Variants in ITSN2 observed in about 807,000 individuals in gnomAD.
ITSN2 encodes the protein intersectin-2.
A neutral mutation model predicts 243.7 loss-of-function variants in ITSN2; 156 were observed. The ratio of observed to expected loss-of-function variants is 0.64; its 90% CI spans 0.56 to 0.73. The LOEUF (loss-of-function observed/expected upper bound fraction) is 0.73, where lower values mean the gene tolerates loss of function less well. Among genes scored for constraint, ITSN2 ranks in the 30% least tolerant of loss-of-function variants. ITSN2 has a pLI of 0.00. For missense variants in ITSN2, 1,801 were observed against 1,996.1 expected (o/e 0.90, Z 1.86); for synonymous variants, 703 against 699.9 (o/e 1.00, Z -0.07).
At chr2:24,324,634 G>A (rs1056690000) in intron 2 of ITSN2, among the ~76,000 whole-genome samples, 1 of 151,894 alleles carries the variant, frequency 6.6e-6, no homozygotes, top group African/African-American at 2.4e-5. Context: ...AGGATCACTT[G>A]AGCCCAGGAG....
chr2:24,289,618 A>G (rs1290934958), intron 15 of ITSN2, among the ~76,000 whole-genome samples: 1 of 152,220 alleles, frequency 6.6e-6, no homozygotes, highest in African/African-American at 2.4e-5. Context: ...TAGTCCTGCT[A>G]GTACTTCCAG....
intron 25 of ITSN2, among the ~76,000 whole-genome samples, chr2:24,250,639 G>T (rs189859929): frequency 2.6e-5 from 4 of 152,292 alleles, no homozygotes; most frequent in African/African-American, 9.6e-5. Context: ...GAATTTTAAT[G>T]TAACAGTAAG....
At chr2:24,208,753 G>C (rs1283960634) in intron 36 of ITSN2, among the ~76,000 whole-genome samples, 1 of 152,238 alleles carries the variant, frequency 6.6e-6, no homozygotes, top group African/African-American at 2.4e-5. Context: ...GGAGGGACGA[G>C]GGCTGAGGCC....
Position 24,300,074 on chromosome 2 carries a change from T to C in ITSN2, c.1179A>G (p.Ala393=). The change falls in exon 12 of 40, where the codon GCA becomes GCG. Residue 393 remains alanine, a synonymous_variant. Coordinates refer to ENST00000355123, the MANE Select transcript of ITSN2 (RefSeq NM_006277.3). ...CCTTTTCTTTCTGGGCTTTACGTTCTGCCTCCCTTTGTTGCTGCTCCATCA... is the reference window on the plus strand; with the variant it reads ...CCTTTTCTTTCTGGGCTTTACGTTCCGCCTCCCTTTGTTGCTGCTCCATCA... ...QALMEQQQRE[A]ERKAQKEKEE... The C allele has an allele frequency of 1.2e-6, 2 of 1,614,208 alleles. No homozygotes were observed. Among genetic ancestry groups the C allele is most frequent in the Non-Finnish European group, 1.7e-6 (2 of 1,180,038 alleles).
At chr2:24,356,840 T>C (rs1688492630) in intron 1 of ITSN2, among the ~76,000 whole-genome samples, 1 of 151,208 alleles carries the variant, frequency 6.6e-6, no homozygotes, top group South Asian at 2.1e-4. Context: ...GAGGCGGAGG[T>C]TGCAGTGAGT....
At position 24,212,683 on chromosome 2, in the gene ITSN2, C is replaced by T. The variant is rs1336195715; in HGVS notation, c.4056G>A (p.Gln1352=). Residue 1352 remains glutamine, a synonymous_variant, in exon 33 of 40, where the codon CAG becomes CAA. Coordinates refer to ENST00000355123, the MANE Select transcript of ITSN2 (RefSeq NM_006277.3). ...PLSSFLLKPM[Q]RITRYPLLIR... ...TGAGCAGTGGGTAGCGGGTGATCCTCTGCATGGGTTTCAGCAGGAAGCTGG... is the reference window on the plus strand; with the variant it reads ...TGAGCAGTGGGTAGCGGGTGATCCTTTGCATGGGTTTCAGCAGGAAGCTGG... The T allele has an allele frequency of 6.2e-7, 1 of 1,613,298 alleles. No individual in the cohort carries two copies. Among genetic ancestry groups the T allele is most frequent in the African/African-American group, 1.3e-5 (1 of 74,872 alleles).
intron 1 of ITSN2, among the ~76,000 whole-genome samples, chr2:24,359,824 CG>C (rs1445724633): frequency 6.6e-6 from 1 of 152,098 alleles, no homozygotes; most frequent in East Asian, 1.9e-4. Flanking sequence ...TTTGACGCAC[CG>C]GGATGCGGCT....
intron 17 of ITSN2, among the ~76,000 whole-genome samples, chr2:24,277,733 G>C (rs145123321): frequency 2.2e-4 from 33 of 152,150 alleles, no homozygotes; most frequent in Non-Finnish European, 4.4e-5. Flanking sequence ...TATGGTACAA[G>C]GGTGTCCAAT....
At position 24,204,540 on chromosome 2, in the gene ITSN2, A is replaced by C; in HGVS notation, c.4763-122T>G. The C allele has an allele frequency of 2.2e-5, 19 of 873,098 alleles. No individual in the cohort carries two copies. The highest frequency in any genetic ancestry group is 3.1e-5 in the Non-Finnish European group (16 of 520,116). 54.1% of individuals were successfully genotyped at this position (873,098 alleles called of 1,614,324 possible). On this transcript the variant is annotated intron_variant, in intron 38 of 39. Transcript: ENST00000355123. The surrounding 1 kb of genome is among the most constrained non-coding windows in gnomAD (Gnocchi z 5.1). ...GGTCACTCGAGACCATGGCAGCAGG[A>C]GCCGCTGCCTGGGGCACCATATCCC...
intron 15 of ITSN2, among the ~76,000 whole-genome samples, chr2:24,288,322 C>T (rs1679779718): frequency 6.6e-6 from 1 of 152,032 alleles, no homozygotes; most frequent in South Asian, 2.1e-4. Context: ...ATTAGTTGAC[C>T]ATATACACTT....
chr2:24,325,559 C>G (rs998479636), intron 2 of ITSN2, among the ~76,000 whole-genome samples: 2 of 152,160 alleles, frequency 1.3e-5, no homozygotes, highest in Non-Finnish European at 2.9e-5. Flanking sequence ...CTTTGAACTT[C>G]AAGTAAAAAT....
intron 9 of ITSN2, among the ~76,000 whole-genome samples, chr2:24,302,450 A>G (rs1011810120): frequency 5.3e-5 from 8 of 152,168 alleles, no homozygotes; most frequent in African/African-American, 1.7e-4. Flanking sequence ...CGCCCGCCTC[A>G]GCCTCCCAAA....
intron 27 of ITSN2, among the ~76,000 whole-genome samples, chr2:24,248,038 CTT>C (rs949614269): frequency 3.9e-5 from 6 of 152,068 alleles, no homozygotes; most frequent in African/African-American, 1.2e-4. Context: ...TATTATATCT[CTT>C]GTCATCTTTT....
At chr2:24,295,455 C>A (rs1027991773) in intron 14 of ITSN2, among the ~76,000 whole-genome samples, 1 of 152,054 alleles carries the variant, frequency 6.6e-6, no homozygotes, top group Non-Finnish European at 1.5e-5. Context: ...TACAGGCATG[C>A]GCCACCATAC....
intron 20 of ITSN2, among the ~76,000 whole-genome samples, chr2:24,269,372 T>C (rs886641710): frequency 4.6e-5 from 7 of 152,242 alleles, no homozygotes; most frequent in African/African-American, 1.4e-4. Context: ...ATATTCCCCC[T>C]CTGATTTTCC....
intron 7 of ITSN2, chr2:24,309,042 T>G (rs1682914550): frequency 3.3e-6 from 1 of 299,950 alleles, no homozygotes; most frequent in Non-Finnish European, 7.4e-6. Context: ...GGATGCTCCC[T>G]TTGAGAATCT....
chr2:24,300,976 T>G (rs1178926215), intron 11 of ITSN2, among the ~76,000 whole-genome samples, 178 bp downstream of exon 11: 1 of 152,204 alleles, frequency 6.6e-6, no homozygotes, highest in African/African-American at 2.4e-5. Context: ...TTCACACTCT[T>G]CTCATTTTGA....
chr2:24,332,017 G>C (rs184830187), intron 1 of ITSN2, among the ~76,000 whole-genome samples: 1 of 152,328 alleles, frequency 6.6e-6, no homozygotes, highest in East Asian at 1.9e-4. Context: ...GCCAAGGCAG[G>C]CAGATCACCT....
Position 24,211,683 on chromosome 2 carries a change from C to T in ITSN2, c.4090-736G>A, listed in dbSNP as rs555764169. ...TTTTTATTCAGTACCCATTTGGTGG[C>T]AAAATCTGACCTAAACAGAAGAGAT... On this transcript the variant is annotated intron_variant, in intron 33 of 39. Transcript: ENST00000355123. The surrounding 1 kb of genome is among the most constrained non-coding windows in gnomAD (Gnocchi z 4.1). Among the ~76,000 whole-genome samples the T allele has an allele frequency of 3.2e-4, 49 of 152,136 alleles. 1 individual carries two copies. The highest frequency in any genetic ancestry group is 6.0e-4 in the Non-Finnish European group (41 of 68,026).
Sources: gnomAD v4.1 joint callset for allele counts (sites outside exome capture counted in the v4.1 genomes callset) on GRCh38, gnomAD v4.1.1 for gene constraint, Gnocchi (gnomAD v3.1) non-coding constraint, MANE v1.5 for transcripts, NCBI Gene and HGNC (gene_info 2026-07-23, HGNC 2026-07-21) for gene names.